Variants in ITGAV observed in about 807,000 individuals in gnomAD.
ITGAV encodes the protein integrin alpha-V.
ITGAV carries 76 observed loss-of-function variants against 143.8 expected under a neutral mutation model. That is an observed-to-expected ratio of 0.53 (90% confidence interval 0.44 to 0.64). The LOEUF (loss-of-function observed/expected upper bound fraction) is 0.64. ITGAV is among the 30% of genes least tolerant of loss of function. The pLI, the probability that ITGAV is intolerant of heterozygous loss-of-function variation, is 0.00. For synonymous variants in ITGAV, 453 were observed against 446.7 expected (o/e 1.01, Z -0.18); for missense variants, 1,193 against 1,274.7 (o/e 0.94, Z 0.98).
chr2:186,667,629 C>A, intron 23 of ITGAV, 42 bp from the exon 24 acceptor site: 1 of 1,089,866 alleles, frequency 9.2e-7, no homozygotes, highest in Non-Finnish European at 1.4e-6. Context: ...CTGACTATAT[C>A]ATTTTGATAT....
chr2:186,618,087 G>A (rs1687418369), intron 2 of ITGAV, among the ~76,000 whole-genome samples: 1 of 152,210 alleles, frequency 6.6e-6, no homozygotes, highest in Non-Finnish European at 1.5e-5. Flanking sequence ...TGTCTGGAGA[G>A]CAGGCTTTCT....
intron 2 of ITGAV, among the ~76,000 whole-genome samples, chr2:186,612,050 G>T (rs970633241): frequency 6.6e-6 from 1 of 152,150 alleles, no homozygotes; most frequent in South Asian, 2.1e-4. Flanking sequence ...GCCCATACTA[G>T]AACTGTAGGG....
At chr2:186,602,209 T>C (rs1686929538) in intron 2 of ITGAV, 58 bp downstream of exon 2, 1 of 1,474,332 alleles carries the variant, frequency 6.8e-7, no homozygotes, top group East Asian at 2.3e-5. Context: ...TTTTTTGCAA[T>C]TGGTTTAGTT....
In ITGAV at chr2:186,591,897, G is replaced by T. The variant is rs1574454437; in HGVS notation, c.185+1374G>T. 2.6e-5 allele frequency among the ~76,000 whole-genome samples: 4 copies of T among 152,110 alleles called. No individual in the cohort carries two copies. In the South Asian group the frequency reaches 8.3e-4, roughly 32 times the overall value. On this transcript the variant is annotated intron_variant, in intron 1 of 29. Coordinates refer to ENST00000261023, the MANE Select transcript of ITGAV (RefSeq NM_002210.5). ...CATGATAAAAATAATCATTATTTAG[G>T]CAACATTTACCAATTTCACATTCCA...
chr2:186,676,575 C>G (rs1689214733), intron 28 of ITGAV, among the ~76,000 whole-genome samples: 3 of 151,980 alleles, frequency 2.0e-5, no homozygotes. Context: ...CTGGGCGAGA[C>G]TCTGTCAAAA....
At chr2:186,668,199 TATATATA>T (rs1688957217) in intron 24 of ITGAV, among the ~76,000 whole-genome samples, 2 of 17,892 alleles carry the variant, frequency 1.1e-4, no homozygotes, top group African/African-American at 1.7e-4. Context: ...TATATATATA[TATATATA>T]TATATATATA....
chr2:186,604,528 G>A (rs1181511193), intron 2 of ITGAV, among the ~76,000 whole-genome samples: 1 of 151,978 alleles, frequency 6.6e-6, no homozygotes, highest in East Asian at 1.9e-4. Flanking sequence ...GAGATTTTTG[G>A]ATCAAAATGT....
rs183177641 is a variant in ITGAV, at chr2:186,607,769, A to G, written c.316+5618A>G. Among the ~76,000 whole-genome samples, 950 of 152,282 alleles carry G rather than the reference A, an allele frequency of 6.2e-3. 6 individuals carry two copies. The highest frequency in any genetic ancestry group is 0.024 in the South Asian group (114 of 4,828). ...CTGCATGCCAGTTTGGTCTTCCTTTAAGTTTCTAGTCTGACTTACTGAGTA... is the reference window on the plus strand; with the variant it reads ...CTGCATGCCAGTTTGGTCTTCCTTTGAGTTTCTAGTCTGACTTACTGAGTA... On this transcript the variant is annotated intron_variant, in intron 2 of 29. Coordinates refer to ENST00000261023, the MANE Select transcript of ITGAV (RefSeq NM_002210.5).
chr2:186,653,883 T>C (rs752208384), intron 15 of ITGAV, among the ~76,000 whole-genome samples: 18 of 151,898 alleles, frequency 1.2e-4, no homozygotes, highest in Admixed American at 5.2e-4. Context: ...CTAAATCAGT[T>C]TTATTTATTT....
In ITGAV at chr2:186,676,953, A is replaced by G. The variant is rs1401815647; in HGVS notation, c.3051+18A>G. 6.2e-7 allele frequency: 1 copy of G among 1,610,274 alleles called. No homozygotes were observed. The highest frequency in any genetic ancestry group is 8.5e-7 in the Non-Finnish European group (1 of 1,178,168). The stretch of plus-strand genomic sequence containing the variant: ...TGTACAGGGTAAGTAACGGACTTAG[A>G]AAGAAGGAGAGAGGGAAAGCAGAAG... On this transcript the variant is annotated intron_variant, in intron 29 of 29. Coordinates refer to ENST00000261023, the MANE Select transcript of ITGAV (RefSeq NM_002210.5).
chr2:186,641,098 T>G lies in ITGAV; in HGVS notation c.956+131T>G, dbSNP rs539888324. 9.4e-5 allele frequency: 72 copies of G among 764,742 alleles called. No homozygotes were observed. In the South Asian group the frequency reaches 1.2e-3, roughly 13 times the overall value. 47.4% of individuals were successfully genotyped at this position (764,742 alleles called of 1,614,324 possible). A position where few individuals can be genotyped will look rare whatever the true frequency, so the allele number is the denominator to read the frequency against. ...AATCTTTCTGTTTAAGGAAACAATTTGAAGCAACCTTAATCATGAATTCTA... is the reference window on the plus strand; with the variant it reads ...AATCTTTCTGTTTAAGGAAACAATTGGAAGCAACCTTAATCATGAATTCTA... On this transcript the variant is annotated intron_variant, in intron 11 of 29. Transcript: ENST00000261023.
chr2:186,675,734 A>T lies in ITGAV; in HGVS notation c.2820+17A>T, dbSNP rs771039352. ...TTTATGAATGTAAGTAGACAGGTGC[A>T]GCATTTAGCAAACATACCCAGTGTT... On this transcript the variant is annotated intron_variant, in intron 27 of 29. Transcript: ENST00000261023. 1.9e-6 allele frequency: 3 copies of T among 1,582,916 alleles called. No homozygotes were observed. Among genetic ancestry groups the T allele is most frequent in the Non-Finnish European group, 2.6e-6 (3 of 1,151,844 alleles).
At chr2:186,673,971 T>G (rs1410106340) in intron 26 of ITGAV, among the ~76,000 whole-genome samples, 1 of 152,110 alleles carries the variant, frequency 6.6e-6, no homozygotes, top group Non-Finnish European at 1.5e-5. Context: ...GTGCCTGGTC[T>G]ATTTTTATTT....
Position 186,676,028 on chromosome 2 carries a change from T to A in ITGAV, c.2928+101T>A, listed in dbSNP as rs1181305185. 70 of 663,716 alleles carry A rather than the reference T, an allele frequency of 1.1e-4. 1 individual carries two copies. In the South Asian group the frequency reaches 1.4e-3, roughly 13 times the overall value. The allele number at this position is 663,716 out of a possible 1,614,324, so 41.1% of individuals were successfully genotyped here. ...AAGAACGACAGCTTAACTTTTTTGA[T>A]AATTTAAACTAATGAAGTTATATGA... On this transcript the variant is annotated intron_variant, in intron 28 of 29. Coordinates refer to ENST00000261023, the MANE Select transcript of ITGAV (RefSeq NM_002210.5).
chr2:186,608,553 C>T (rs1164702468), intron 2 of ITGAV, among the ~76,000 whole-genome samples: 1 of 152,086 alleles, frequency 6.6e-6, no homozygotes, highest in Non-Finnish European at 1.5e-5. Context: ...AAGTCAGGTT[C>T]TGCCATACTG....
chr2:186,651,965 T>A lies in ITGAV; in HGVS notation c.1398-17T>A, dbSNP rs199911347. 3.8e-5 allele frequency: 56 copies of A among 1,485,298 alleles called. No individual in the cohort carries two copies. In the South Asian group the frequency reaches 6.5e-4, roughly 17 times the overall value. The allele number at this position is 1,485,298 out of a possible 1,614,324, so 92.0% of individuals were successfully genotyped here. On this transcript the variant is annotated splice_polypyrimidine_tract_variant and intron_variant, in intron 14 of 29. Transcript: ENST00000261023. ...TAAATAATTTTTTACTTCATCTTCT[T>A]TTCCCTCCCCCGCTAGGGCCAGACC...
intron 2 of ITGAV, among the ~76,000 whole-genome samples, chr2:186,615,843 A>G (rs1222144630): frequency 1.3e-5 from 2 of 152,076 alleles, no homozygotes; most frequent in Non-Finnish European, 2.9e-5. Context: ...TTTTATCATT[A>G]TGCTTTTGGT....
At chr2:186,671,225 ACTCCAGTGCCTT>A (rs1275421524) in intron 26 of ITGAV, among the ~76,000 whole-genome samples, 1 of 151,826 alleles carries the variant, frequency 6.6e-6, no homozygotes, top group Non-Finnish European at 1.5e-5. Context: ...AGGTTGTGTC[ACTCCAGTGCCTT>A]CCCATCTAAC....
At chr2:186,607,891 G>T (rs767000453) in intron 2 of ITGAV, among the ~76,000 whole-genome samples, 1 of 152,140 alleles carries the variant, frequency 6.6e-6, no homozygotes, top group Non-Finnish European at 1.5e-5. Flanking sequence ...AATAGACTAA[G>T]TACCTGATAG....
Sources: allele counts gnomAD v4.1 joint callset (sites outside exome capture counted in the v4.1 genomes callset), GRCh38; gene constraint gnomAD v4.1.1; transcripts MANE v1.5; gene names NCBI Gene and HGNC (gene_info 2026-07-23, HGNC 2026-07-21).